The following SPATA16 variants were observed in gnomAD, a reference collection of about 807,000 sequenced individuals.
The protein encoded by SPATA16 is spermatogenesis-associated protein 16.
In SPATA16, 36 loss-of-function variants were observed where a neutral mutation model predicts 63.3. The observed-to-expected ratio is 0.57, with a 90% CI of 0.44 to 0.75. The LOEUF is 0.75. Ranked by LOEUF, SPATA16 falls within the 30% of genes least tolerant of loss-of-function variation. SPATA16 has a pLI of 0.00. For missense variants in SPATA16, 646 were observed against 679.3 expected, an observed-to-expected ratio of 0.95 and a Z score of 0.54; for synonymous variants, 203 against 216.7, an observed-to-expected ratio of 0.94 and a Z score of 0.56.
rs1236020742 is a variant in SPATA16, at chr3:172,932,756, A to G, written c.1082-7264T>C. On this transcript the variant is annotated intron_variant, in intron 6 of 10. Transcript: ENST00000351008. ...GATTTTTATATTTGATATCTGAGAA[A>G]GTCATATGTATACTATATAGATAAT... Among the ~76,000 whole-genome samples, 4 of 152,280 alleles carry G rather than the reference A, an allele frequency of 2.6e-5. No homozygotes were observed. In the South Asian group the frequency reaches 6.2e-4, roughly 24 times the overall value.
chr3:173,048,840 T>C (rs989855809), intron 3 of SPATA16, 109 bp downstream of exon 3: 7 of 1,406,390 alleles, frequency 5.0e-6, no homozygotes, highest in Non-Finnish European at 7.0e-6. Flanking sequence ...AATAAATGTT[T>C]GTTTCTTCTT....
rs187413182 is a variant in SPATA16 at position 173,048,903 on chromosome 3, C to T, written c.758+46G>A. The T allele has an allele frequency of 6.2e-5, 100 of 1,610,948 alleles. No homozygotes were observed. The African/African-American group carries it at 1.2e-3, about 19-fold the overall frequency. ...AGGCAAGCTCAGATAGTACCCTCCACTAGCATGAACAGCATTTACTTGCAC... is the reference window on the plus strand; with the variant it reads ...AGGCAAGCTCAGATAGTACCCTCCATTAGCATGAACAGCATTTACTTGCAC... On this transcript the variant is annotated intron_variant, in intron 3 of 10. Transcript: ENST00000351008.
chr3:173,084,593 TG>T (rs1737002089), intron 2 of SPATA16, among the ~76,000 whole-genome samples: 1 of 152,066 alleles, frequency 6.6e-6, no homozygotes, highest in Non-Finnish European at 1.5e-5. Context: ...AATCTTTGCC[TG>T]TCTCTATGTC....
chr3:173,034,482 T>C (rs1402661968), intron 3 of SPATA16, among the ~76,000 whole-genome samples: 1 of 152,156 alleles, frequency 6.6e-6, no homozygotes, highest in Non-Finnish European at 1.5e-5. Context: ...AATTTTTTGA[T>C]TCGTGGAAGT....
At chr3:173,052,090 C>T (rs925058364) in intron 2 of SPATA16, among the ~76,000 whole-genome samples, 3 of 152,048 alleles carry the variant, frequency 2.0e-5, no homozygotes, top group African/African-American at 4.8e-5. Flanking sequence ...GGATTACAGG[C>T]GTGAGCCACC....
At chr3:173,047,688 G>A (rs112828610) in intron 3 of SPATA16, among the ~76,000 whole-genome samples, 5,476 of 152,010 alleles carry the variant, frequency 0.036, 343 homozygotes, top group African/African-American at 0.13. Context: ...TACTTTTCCA[G>A]TATTTCTTCT....
At chr3:172,905,508 C>T (rs892939656) in intron 10 of SPATA16, among the ~76,000 whole-genome samples, 1 of 152,162 alleles carries the variant, frequency 6.6e-6, no homozygotes, top group African/African-American at 2.4e-5. Flanking sequence ...CCTCCTCAAC[C>T]AACTGCCCCT....
At chr3:173,004,834 A>T (rs187177471) in intron 4 of SPATA16, among the ~76,000 whole-genome samples, 10 of 152,316 alleles carry the variant, frequency 6.6e-5, no homozygotes, top group African/African-American at 2.4e-4. Flanking sequence ...CGCTATTATT[A>T]TCTCTGATTA....
chr3:172,952,165 C>A (rs1265980612), intron 6 of SPATA16, among the ~76,000 whole-genome samples: 1 of 152,110 alleles, frequency 6.6e-6, no homozygotes, highest in African/African-American at 2.4e-5. Context: ...GATATATGTA[C>A]AAATGCTGAG....
At chr3:173,022,586 A>G (rs748038739) in intron 3 of SPATA16, among the ~76,000 whole-genome samples, 1 of 152,162 alleles carries the variant, frequency 6.6e-6, no homozygotes, top group Non-Finnish European at 1.5e-5. Flanking sequence ...CTAAAATGAC[A>G]TACCCTTTTA....
chr3:172,986,673 A>AG (rs753452897), intron 4 of SPATA16, among the ~76,000 whole-genome samples: 63 of 152,118 alleles, frequency 4.1e-4, no homozygotes, highest in Middle Eastern at 3.4e-3. Context: ...CATTTTGAGC[A>AG]GGGGGGGGAA....
intron 2 of SPATA16, among the ~76,000 whole-genome samples, chr3:173,057,866 G>A (rs891228133): frequency 1.3e-5 from 2 of 152,054 alleles, no homozygotes; most frequent in African/African-American, 4.8e-5. Context: ...GTTTTTCCTA[G>A]TAATTCTTTT....
At chr3:173,105,694 C>T (rs1254467775) in intron 2 of SPATA16, among the ~76,000 whole-genome samples, 2 of 152,120 alleles carry the variant, frequency 1.3e-5, no homozygotes, top group Non-Finnish European at 2.9e-5. Flanking sequence ...TTGCCAGCAG[C>T]CTTCACATGC....
At chr3:173,054,610 A>AACAACAC (rs1487491043) in intron 2 of SPATA16, among the ~76,000 whole-genome samples, 1 of 152,054 alleles carries the variant, frequency 6.6e-6, no homozygotes, top group Non-Finnish European at 1.5e-5. Flanking sequence ...CCAAGAGGGG[A>AACAACAC]ACAACACACA....
chr3:173,016,703 A>G (rs1406306420), intron 4 of SPATA16, among the ~76,000 whole-genome samples: 3 of 152,150 alleles, frequency 2.0e-5, no homozygotes, highest in Admixed American at 6.5e-5. Flanking sequence ...CAAATCTCCA[A>G]TAGATTGATT....
intron 6 of SPATA16, among the ~76,000 whole-genome samples, chr3:172,936,898 A>G (rs1289707924): frequency 2.6e-5 from 4 of 152,038 alleles, no homozygotes; most frequent in Admixed American, 2.0e-4. Context: ...TTTAGTAGAG[A>G]TAGGGTTTCA....
intron 8 of SPATA16, 148 bp from the exon 9 acceptor site, chr3:172,916,629 A>G: frequency 1.1e-6 from 1 of 908,518 alleles, no homozygotes; most frequent in South Asian, 1.5e-5. Flanking sequence ...CTACCATTTT[A>G]CAGAATTGTC....
chr3:172,991,470 C>T (rs1443116102), intron 4 of SPATA16, among the ~76,000 whole-genome samples: 1 of 152,082 alleles, frequency 6.6e-6, no homozygotes, highest in Non-Finnish European at 1.5e-5. Flanking sequence ...CGTATACATG[C>T]ACACCTTTTT....
intron 2 of SPATA16, among the ~76,000 whole-genome samples, chr3:173,081,567 CAG>C (rs1215748869): frequency 1.3e-5 from 2 of 152,056 alleles, no homozygotes; most frequent in African/African-American, 4.8e-5. Flanking sequence ...TTTTAACAAG[CAG>C]GGGGCAATTT....
Sources: gnomAD v4.1 joint callset for allele counts (sites outside exome capture counted in the v4.1 genomes callset) on GRCh38, gnomAD v4.1.1 for gene constraint, MANE v1.5 for transcripts, NCBI Gene and HGNC (gene_info 2026-07-23, HGNC 2026-07-21) for gene names.